Variants in SCOC observed in about 807,000 individuals in gnomAD.
SCOC encodes the protein short coiled-coil protein.
SCOC carries 7 observed loss-of-function variants against 9.9 expected under a neutral mutation model. The ratio of observed to expected loss-of-function variants is 0.71; its 90% CI spans 0.40 to 1.33. SCOC has a LOEUF of 1.33. Among genes scored for constraint, SCOC ranks in the 40% most tolerant of loss-of-function variants. SCOC has a pLI of 0.01. For synonymous variants in SCOC, 19 were observed against 28.2 expected (o/e 0.67, Z 1.03); for missense variants, 66 against 89.7 (o/e 0.74, Z 1.07).
chr4:140,261,475 C>G (rs986947295), intron 1 of SCOC, among the ~76,000 whole-genome samples: 3 of 152,224 alleles, frequency 2.0e-5, no homozygotes, highest in Non-Finnish European at 4.4e-5. Flanking sequence ...CACAATAGTG[C>G]TCCATGCCTT....
intron 1 of SCOC, among the ~76,000 whole-genome samples, chr4:140,264,333 G>A (rs968745753): frequency 6.6e-6 from 1 of 152,116 alleles, no homozygotes; most frequent in Non-Finnish European, 1.5e-5. Flanking sequence ...GTTCTGGACT[G>A]CTTACTTTTG....
chr4:140,374,284 TTGGAAAGGAGAAA>T, intron 1 of SCOC: 1 of 411,878 alleles, frequency 2.4e-6, no homozygotes, highest in South Asian at 1.7e-5. Flanking sequence ...GAAGAAAGGT[TTGGAAAGGAGAAA>T]GAGGATACAT....
intron 1 of SCOC, among the ~76,000 whole-genome samples, chr4:140,318,032 C>T (rs1392067640): frequency 6.6e-6 from 1 of 151,756 alleles, no homozygotes; most frequent in Non-Finnish European, 1.5e-5. Context: ...ATGAACTCAT[C>T]ATTTTTTATG....
chr4:140,272,502 C>T (rs1286834869), intron 1 of SCOC, among the ~76,000 whole-genome samples: 1 of 152,166 alleles, frequency 6.6e-6, no homozygotes, highest in Non-Finnish European at 1.5e-5. Flanking sequence ...ACCTTTAATA[C>T]CTTTGTTATC....
chr4:140,286,022 T>C (rs182301589), intron 1 of SCOC, among the ~76,000 whole-genome samples: 2 of 151,996 alleles, frequency 1.3e-5, no homozygotes, highest in Non-Finnish European at 2.9e-5. Context: ...CCATCTCTAC[T>C]AAAAATACAA....
At chr4:140,301,662 T>A (rs1731814122) in intron 1 of SCOC, among the ~76,000 whole-genome samples, 1 of 152,070 alleles carries the variant, frequency 6.6e-6, no homozygotes, top group Non-Finnish European at 1.5e-5. Context: ...GCTTAGAAAA[T>A]CAGACGAGAG....
chr4:140,382,939 T>C lies in SCOC; in HGVS notation c.*1835T>C, dbSNP rs1315468041. On this transcript the variant is annotated 3_prime_UTR_variant, in exon 4 of 4. Transcript: ENST00000608372. ...CTAGCAGCCCTTGTTCAAACAGTTA[T>C]TCAGGGACTTTGGCTGAGGATGGTG... 5 of 152,248 alleles carry C rather than the reference T, an allele frequency of 3.3e-5. No homozygotes were observed. The highest frequency in any genetic ancestry group is 3.3e-4 in the Admixed American group (5 of 15,284). 9.4% of individuals were successfully genotyped at this position (152,248 alleles called of 1,614,324 possible). A position where few individuals can be genotyped will look rare whatever the true frequency, so the allele number is the denominator to read the frequency against.
chr4:140,297,568 T>C (rs963897881), intron 1 of SCOC, among the ~76,000 whole-genome samples: 3 of 152,170 alleles, frequency 2.0e-5, no homozygotes, highest in South Asian at 2.1e-4. Flanking sequence ...ATCCTCTTTC[T>C]CCCTCCTTCC....
At position 140,379,615 on chromosome 4, in the gene SCOC, T is replaced by C; in HGVS notation, c.69T>C (p.Leu23=). The C allele has an allele frequency of 6.2e-7, 1 of 1,612,960 alleles. No individual in the cohort carries two copies. The highest frequency in any genetic ancestry group is 8.5e-7 in the Non-Finnish European group (1 of 1,179,670). The change falls in exon 3 of 4, where the codon CTT becomes CTC. Residue 23 remains leucine (L), a synonymous_variant. Coordinates refer to ENST00000608372, the MANE Select transcript of SCOC (RefSeq NM_001153484.2). ...NQVELEEKTR[L]INQVLELQHT... is the part of the protein sequence containing the mutation. ...TGGAACTGGAGGAAAAAACAAGACT[T>C]ATTAATCAAGTGTTGGAACTCCAAC...
intron 2 of SCOC, chr4:140,362,577 G>C (rs1727618741): frequency 6.6e-6 from 1 of 152,028 alleles, no homozygotes; most frequent in Non-Finnish European, 1.5e-5. Context: ...TTACAGGCGT[G>C]AGCCACTGTG....
chr4:140,279,895 T>G (rs1453320922), intron 1 of SCOC, among the ~76,000 whole-genome samples: 2 of 152,234 alleles, frequency 1.3e-5, no homozygotes, highest in Non-Finnish European at 2.9e-5. Context: ...TCTGCCATCC[T>G]CAATATGTGG....
chr4:140,354,849 A>T (rs1268418838), intron 2 of SCOC, among the ~76,000 whole-genome samples: 1 of 152,034 alleles, frequency 6.6e-6, no homozygotes, highest in African/African-American at 2.4e-5. Flanking sequence ...GTTTCTTTGG[A>T]AATCCTAGTT....
At chr4:140,317,175 G>C (rs1195733947) in intron 1 of SCOC, among the ~76,000 whole-genome samples, 1 of 152,140 alleles carries the variant, frequency 6.6e-6, no homozygotes, top group Non-Finnish European at 1.5e-5. Context: ...GGTGTTGTTT[G>C]CCTAGATACT....
chr4:140,291,411 C>T (rs1485517111), intron 1 of SCOC: 1 of 456,872 alleles, frequency 2.2e-6, no homozygotes, highest in Non-Finnish European at 4.4e-6. Flanking sequence ...CATGTGTCTT[C>T]CCAAGCCCTC....
At chr4:140,373,314 T>C, upstream of SCOC, 2 of 1,393,014 alleles carry the variant, frequency 1.4e-6, no homozygotes, top group Non-Finnish European at 1.9e-6. Context: ...TTCCTGATTT[T>C]CCACACTGGG....
At chr4:140,312,675 TCTGCCTCA>T (rs1160359442) in intron 1 of SCOC, among the ~76,000 whole-genome samples, 3 of 152,188 alleles carry the variant, frequency 2.0e-5, no homozygotes, top group African/African-American at 7.2e-5. Flanking sequence ...AAGTGATCCT[TCTGCCTCA>T]CTTGGCTGCT....
At chr4:140,318,023 T>C (rs1732383282) in intron 1 of SCOC, among the ~76,000 whole-genome samples, 1 of 151,814 alleles carries the variant, frequency 6.6e-6, no homozygotes, top group Non-Finnish European at 1.5e-5. Context: ...ACAAAGGACA[T>C]GAACTCATCA....
At chr4:140,364,763 G>A (rs1727717715) in intron 2 of SCOC, among the ~76,000 whole-genome samples, 1 of 152,146 alleles carries the variant, frequency 6.6e-6, no homozygotes, top group Non-Finnish European at 1.5e-5. Flanking sequence ...CTTGCCCATA[G>A]GGACTACCTT....
intron 1 of SCOC, among the ~76,000 whole-genome samples, chr4:140,332,866 C>T (rs1187748178): frequency 6.6e-6 from 1 of 152,126 alleles, no homozygotes; most frequent in East Asian, 1.9e-4. Flanking sequence ...CCTGACTCTG[C>T]CTTCCCCTAC....
Sources: allele counts gnomAD v4.1 joint callset (sites outside exome capture counted in the v4.1 genomes callset), GRCh38; gene constraint gnomAD v4.1.1; transcripts MANE v1.5; gene names NCBI Gene and HGNC (gene_info 2026-07-23, HGNC 2026-07-21).